Variants in SPAG16 observed in about 807,000 individuals in gnomAD.
SPAG16 encodes the protein sperm-associated antigen 16 protein.
Under a neutral mutation model 80.4 loss-of-function variants are expected in SPAG16, and 86 were observed. That is an observed-to-expected ratio of 1.07 (90% CI 0.90 to 1.28). The LOEUF is 1.28. Ranked by LOEUF, SPAG16 falls within the 50% of genes most tolerant of loss-of-function variation. The pLI is 0.00. For missense variants in SPAG16, 870 were observed against 765.3 expected, an observed-to-expected ratio of 1.14 and a Z score of -1.61; for synonymous variants, 294 against 265.9, an observed-to-expected ratio of 1.11 and a Z score of -1.03.
chr2:213,843,830 G>A (rs1009493854), intron 10 of SPAG16, among the ~76,000 whole-genome samples: 2 of 152,048 alleles, frequency 1.3e-5, no homozygotes, highest in African/African-American at 4.8e-5. Flanking sequence ...CAGCCTGGGC[G>A]ACAGAGTGAG....
At chr2:214,314,285 T>C (rs1202888520) in intron 15 of SPAG16, among the ~76,000 whole-genome samples, 1 of 152,228 alleles carries the variant, frequency 6.6e-6, no homozygotes, top group East Asian at 1.9e-4. Context: ...AATATGGTTG[T>C]AGCTGCCTAG....
chr2:213,918,153 C>T (rs2078053092), intron 11 of SPAG16, among the ~76,000 whole-genome samples: 1 of 152,122 alleles, frequency 6.6e-6, no homozygotes, highest in Non-Finnish European at 1.5e-5. Flanking sequence ...TTTTGATGTG[C>T]TGCTGGAATT....
chr2:214,160,040 C>T (rs753168550), intron 15 of SPAG16, among the ~76,000 whole-genome samples: 1 of 151,800 alleles, frequency 6.6e-6, no homozygotes, highest in African/African-American at 2.4e-5. Flanking sequence ...ACTCTATTTA[C>T]AAAGCAAATT....
intron 9 of SPAG16, among the ~76,000 whole-genome samples, chr2:213,462,270 A>G (rs1469975623): frequency 1.3e-5 from 2 of 152,240 alleles, no homozygotes; most frequent in African/African-American, 4.8e-5. Flanking sequence ...CCACATAACT[A>G]TGCAGACAGT....
intron 9 of SPAG16, among the ~76,000 whole-genome samples, chr2:213,486,902 AAT>A (rs2074003802): frequency 6.6e-6 from 1 of 152,110 alleles, no homozygotes; most frequent in African/African-American, 2.4e-5. Context: ...ATAAATAGAT[AAT>A]GTTTATTAAG....
chr2:214,109,133 A>T (rs2053544670), intron 14 of SPAG16, among the ~76,000 whole-genome samples: 1 of 152,152 alleles, frequency 6.6e-6, no homozygotes, highest in African/African-American at 2.4e-5. Context: ...GGCCTTCATG[A>T]AATGATGGTG....
chr2:214,118,992 G>T (rs1559815066), intron 14 of SPAG16, among the ~76,000 whole-genome samples: 1 of 152,064 alleles, frequency 6.6e-6, no homozygotes, highest in Non-Finnish European at 1.5e-5. Context: ...TTACCATAAA[G>T]AAATGACAAG....
At chr2:213,962,491 G>A (rs944334532) in intron 12 of SPAG16, among the ~76,000 whole-genome samples, 6 of 152,046 alleles carry the variant, frequency 3.9e-5, no homozygotes, top group Admixed American at 3.9e-4. Context: ...AGCCAGAACT[G>A]GTATCCTTTT....
chr2:213,554,756 A>T (rs2059374599), intron 10 of SPAG16, among the ~76,000 whole-genome samples: 2 of 152,034 alleles, frequency 1.3e-5, no homozygotes, highest in African/African-American at 2.4e-5. Flanking sequence ...CAGAAAAAAA[A>T]ATCTGTGAAT....
intron 15 of SPAG16, among the ~76,000 whole-genome samples, chr2:214,356,765 ATATTTTAGTTCTATCT>A (rs1401056828): frequency 2.0e-5 from 3 of 151,960 alleles, no homozygotes; most frequent in African/African-American, 7.2e-5. Flanking sequence ...TTATAAGGTG[ATATTTTAGTTCTATCT>A]TATTTTTTAA....
intron 12 of SPAG16, among the ~76,000 whole-genome samples, chr2:214,008,069 T>C (rs1429319200): frequency 6.6e-6 from 1 of 152,158 alleles, no homozygotes; most frequent in East Asian, 1.9e-4. Flanking sequence ...GGTTTTTCAA[T>C]ATTTTTTCTG....
chr2:214,300,413 A>G (rs971041755), intron 15 of SPAG16, among the ~76,000 whole-genome samples: 3 of 152,154 alleles, frequency 2.0e-5, no homozygotes, highest in Admixed American at 1.3e-4. Flanking sequence ...TCATGAACAC[A>G]TAAGCTTTTT....
chr2:213,882,304 G>A (rs1267620931), intron 11 of SPAG16, among the ~76,000 whole-genome samples: 1 of 151,826 alleles, frequency 6.6e-6, no homozygotes, highest in Non-Finnish European at 1.5e-5. Context: ...TTTTATTTTT[G>A]TTTCTCTGCC....
chr2:214,027,463 C>T (rs1254225781), intron 13 of SPAG16, among the ~76,000 whole-genome samples: 1 of 151,506 alleles, frequency 6.6e-6, no homozygotes, highest in African/African-American at 2.4e-5. Context: ...AACATCCTTG[C>T]AGGTTTATTT....
intron 10 of SPAG16, among the ~76,000 whole-genome samples, chr2:213,661,011 TC>T (rs1218297096): frequency 1.3e-5 from 2 of 152,142 alleles, no homozygotes; most frequent in African/African-American, 4.8e-5. Flanking sequence ...CTTGTCTCAT[TC>T]CTTTGACTCT....
At chr2:213,379,354 C>T (rs547832552) in intron 9 of SPAG16, among the ~76,000 whole-genome samples, 69 of 152,276 alleles carry the variant, frequency 4.5e-4, no homozygotes, top group African/African-American at 1.6e-3. Flanking sequence ...TCACCTAGTT[C>T]GTGTTGTAAT....
At chr2:213,374,031 C>A (rs1341101101) in intron 8 of SPAG16, among the ~76,000 whole-genome samples, 2 of 152,228 alleles carry the variant, frequency 1.3e-5, no homozygotes, top group East Asian at 1.9e-4. Context: ...AGCTTAGCAC[C>A]TTCGGGGAGG....
intron 10 of SPAG16, among the ~76,000 whole-genome samples, chr2:213,788,118 C>T (rs1003170722): frequency 1.3e-5 from 2 of 151,860 alleles, no homozygotes; most frequent in South Asian, 2.1e-4. Flanking sequence ...TCAGCAGTTT[C>T]GATCACTCAT....
chr2:213,956,205 C>A (rs1192171474), intron 12 of SPAG16, among the ~76,000 whole-genome samples: 2 of 151,696 alleles, frequency 1.3e-5, no homozygotes, highest in African/African-American at 4.8e-5. Context: ...ATCTGCCCGC[C>A]TCGGCCTCCC....
Sources: allele counts gnomAD v4.1 joint callset (sites outside exome capture counted in the v4.1 genomes callset), GRCh38; gene constraint gnomAD v4.1.1; transcripts MANE v1.5; gene names NCBI Gene and HGNC (gene_info 2026-07-23, HGNC 2026-07-21).